NXT2: variants seen among roughly 807,000 people sequenced by gnomAD.
NXT2 encodes NTF2-related export protein 2.
In NXT2, 1 loss-of-function variant was observed where a neutral mutation model predicts 9.6. That is an observed-to-expected ratio of 0.10 (90% CI 0.04 to 0.49). The LOEUF is 0.49. Ranked by LOEUF, NXT2 falls within the 20% of genes least tolerant of loss-of-function variation. The probability of loss-of-function intolerance (pLI) is 0.95; values close to 1 mark genes in which losing one functional copy is unlikely to be tolerated. For synonymous variants in NXT2, 22 were observed against 35.4 expected (o/e 0.62, Z 1.34); for missense variants, 48 against 100.3 (o/e 0.48, Z 2.23).
upstream of NXT2, chrX:109,536,777 G>T: frequency 1.0e-6 from 1 of 984,893 alleles, no homozygotes; most frequent in South Asian, 2.7e-5. Context: ...AAGGTGGATG[G>T]GAGGGATCTT....
At position 109,538,150 on chromosome X, in the gene NXT2, A is replaced by G; in HGVS notation, c.102+19A>G. On this transcript the variant is annotated intron_variant, in intron 2 of 3. Transcript: ENST00000372106. ...AAGACGGGTGAGTGTTATAGACTCT[A>G]CTACTCTTTATAGACTACTACTCTT... 2 of 967,835 alleles carry G rather than the reference A, an allele frequency of 2.1e-6. No individual in the cohort carries two copies. The highest frequency in any genetic ancestry group is 2.9e-6 in the Non-Finnish European group (2 of 679,594). The allele number at this position is 967,835 out of a possible 1,213,427, so 79.8% of individuals were successfully genotyped here.
chrX:109,537,184 G>A, intron 1 of NXT2, 163 bp downstream of exon 1: 1 of 1,054,707 alleles, frequency 9.5e-7, no homozygotes, highest in East Asian at 3.6e-5. Flanking sequence ...CCGCCCTGCC[G>A]GCCCCACCCC....
chrX:109,536,553 G>C (rs1413775104), upstream of NXT2: 1 of 143,810 alleles, frequency 7.0e-6, no homozygotes, highest in Non-Finnish European at 1.4e-5. Flanking sequence ...TATCCTATAG[G>C]CTACGGAATA....
chrX:109,539,820 C>A (rs1933373716), intron 2 of NXT2, among the ~76,000 whole-genome samples: 1 of 112,087 alleles, frequency 8.9e-6, no homozygotes, highest in African/African-American at 3.2e-5. Context: ...ATGATAGTTT[C>A]TTTTGCTGTG....
intron 3 of NXT2, 124 bp downstream of exon 3, chrX:109,541,743 T>C: frequency 3.8e-6 from 2 of 520,238 alleles, no homozygotes; most frequent in South Asian, 1.5e-4. Flanking sequence ...AAGTTAAATA[T>C]TATGAAAAAT....
In NXT2 at chrX:109,536,892, G is replaced by T. The variant is rs1933285898; in HGVS notation, c.-115G>T. The T allele has an allele frequency of 8.4e-7, 1 of 1,192,912 alleles. No individual in the cohort carries two copies. ...AATGGGAGGGTGGAAAATTTTGTGCGTTTGGCGGGTTTCGCTCTCTTCATA... is the reference window on the plus strand; with the variant it reads ...AATGGGAGGGTGGAAAATTTTGTGCTTTTGGCGGGTTTCGCTCTCTTCATA... On this transcript the variant is annotated 5_prime_UTR_variant, in exon 1 of 4. Transcript: ENST00000372106.
chrX:109,540,390 C>T lies in NXT2; in HGVS notation c.103-1085C>T, dbSNP rs906265674. On this transcript the variant is annotated intron_variant, in intron 2 of 3. Transcript: ENST00000372106. ...TCACCCAGGTTGGAGTGCAGTGGCGCGATCTTGGCTAACTGCAACCTCTGC... is the reference window on the plus strand; with the variant it reads ...TCACCCAGGTTGGAGTGCAGTGGCGTGATCTTGGCTAACTGCAACCTCTGC... Among the ~76,000 whole-genome samples, 7 of 109,815 alleles carry T rather than the reference C, an allele frequency of 6.4e-5. No homozygotes were observed. In the East Asian group the frequency reaches 8.5e-4, roughly 13 times the overall value.
chrX:109,540,903 C>G (rs1344536999), intron 2 of NXT2, among the ~76,000 whole-genome samples: 1 of 111,701 alleles, frequency 9.0e-6, no homozygotes, highest in Non-Finnish European at 1.9e-5. Context: ...CCTGAGGCAA[C>G]AGAGCAGGAC....
rs1933446497 is a variant in NXT2, at chrX:109,542,711, T to A, written c.*23T>A. The A allele has an allele frequency of 1.9e-6, 2 of 1,072,037 alleles. No individual in the cohort carries two copies. The highest frequency in any genetic ancestry group is 2.5e-6 in the Non-Finnish European group (2 of 800,969). 88.3% of individuals were successfully genotyped at this position (1,072,037 alleles called of 1,213,427 possible). On this transcript the variant is annotated 3_prime_UTR_variant, in exon 4 of 4. Coordinates refer to ENST00000372106, the MANE Select transcript of NXT2 (RefSeq NM_001242617.2). The stretch of plus-strand genomic sequence containing the variant: ...TAAAGGGGCAAAAGTCCATTCTCAT[T>A]TGGTCCATTAGTTCCAGCAATTGAA...
At chrX:109,540,794 A>T (rs1394910864) in intron 2 of NXT2, among the ~76,000 whole-genome samples, 3 of 111,666 alleles carry the variant, frequency 2.7e-5, no homozygotes, top group Non-Finnish European at 3.8e-5. Context: ...ACACTAATAG[A>T]GTAGTACTAT....
intron 2 of NXT2, among the ~76,000 whole-genome samples, chrX:109,538,792 ACTT>A (rs1212930128): frequency 9.0e-6 from 1 of 111,400 alleles, no homozygotes; most frequent in Non-Finnish European, 1.9e-5. Flanking sequence ...TTGGAGAACT[ACTT>A]CTGTCCTGCA....
At position 109,542,848 on chromosome X, in the gene NXT2, C is replaced by T. The variant is rs1933449430; in HGVS notation, c.*160C>T. 1 of 392,431 alleles carries T rather than the reference C, an allele frequency of 2.5e-6. No individual in the cohort carries two copies. The allele number at this position is 392,431 out of a possible 1,213,427, so 32.3% of individuals were successfully genotyped here. On this transcript the variant is annotated 3_prime_UTR_variant, in exon 4 of 4. Coordinates refer to ENST00000372106, the MANE Select transcript of NXT2 (RefSeq NM_001242617.2). The stretch of plus-strand genomic sequence containing the variant: ...TTTTCTAGCAGCTGCCAGTTTGGAG[C>T]ATTGCCCTCTAAGAGCTTTAAAACT...
upstream of NXT2, chrX:109,535,851 A>C (rs760054773): frequency 3.1e-5 from 33 of 1,079,333 alleles, 1 homozygote; most frequent in Non-Finnish European, 4.2e-5. Flanking sequence ...CCTTGAAGAG[A>C]AAAGAGCCAG....
intron 3 of NXT2, among the ~76,000 whole-genome samples, chrX:109,542,072 A>G (rs1346588408): frequency 2.7e-5 from 3 of 111,779 alleles, no homozygotes; most frequent in Non-Finnish European, 5.6e-5. Context: ...AGATTGATAC[A>G]GTTTAATAAA....
At chrX:109,541,436 AG>A (rs1475770253) in intron 2 of NXT2, 38 bp from the exon 3 acceptor site, 1 of 1,112,069 alleles carries the variant, frequency 9.0e-7, no homozygotes, top group African/African-American at 1.8e-5. Flanking sequence ...ATCTAGAAAC[AG>A]AATTATTTCC....
chrX:109,542,254 C>CT (rs1933434935), intron 3 of NXT2, among the ~76,000 whole-genome samples: 1 of 111,067 alleles, frequency 9.0e-6, no homozygotes, highest in Non-Finnish European at 1.9e-5. Context: ...TGGTCCTATG[C>CT]TAGATATAAG....
At chrX:109,536,710 A>C (rs1236974662), upstream of NXT2, 1 of 538,035 alleles carries the variant, frequency 1.9e-6, no homozygotes, top group African/African-American at 2.4e-5. Context: ...GTTGAGTATC[A>C]TGTTTACAAA....
chrX:109,539,971 G>A (rs189993165), intron 2 of NXT2, among the ~76,000 whole-genome samples: 7 of 111,798 alleles, frequency 6.3e-5, no homozygotes, highest in African/African-American at 2.3e-4. Flanking sequence ...TGGGTGTTAC[G>A]TTTAAGTGTT....
chrX:109,535,936 A>T, upstream of NXT2: 30 of 1,206,911 alleles, frequency 2.5e-5, no homozygotes, highest in Non-Finnish European at 3.4e-5. Flanking sequence ...GATACCAAAG[A>T]AGAAGTAACT....
Sources: gnomAD v4.1 joint callset for allele counts (sites outside exome capture counted in the v4.1 genomes callset) on GRCh38, gnomAD v4.1.1 for gene constraint, MANE v1.5 for transcripts, NCBI Gene and HGNC (gene_info 2026-07-23, HGNC 2026-07-21) for gene names.